CREBBP: variants seen among roughly 807,000 people sequenced by gnomAD.
CREBBP encodes the protein CREB binding lysine acetyltransferase, also known as CREB-binding protein.
CREBBP carries 19 observed loss-of-function variants against 265.0 expected under a neutral mutation model. The observed-to-expected ratio is 0.07, with a 90% CI of 0.05 to 0.11. CREBBP has a LOEUF of 0.11. Ranked by LOEUF, CREBBP falls within the 10% of genes least tolerant of loss-of-function variation. The pLI is 1.00. For synonymous variants in CREBBP, 1,457 were observed against 1,223.7 expected (o/e 1.19, Z -3.98); for missense variants, 2,525 against 3,219.0 (o/e 0.78, Z 5.22).
chr16:3,845,132 C>T (rs1309325548), intron 2 of CREBBP, among the ~76,000 whole-genome samples: 2 of 152,154 alleles, frequency 1.3e-5, no homozygotes, highest in African/African-American at 4.8e-5. Flanking sequence ...TCAACCCTGG[C>T]TGCCATGAAA....
chr16:3,778,651 G>T, intron 9 of CREBBP, 49 bp downstream of exon 9: 1 of 1,371,536 alleles, frequency 7.3e-7, no homozygotes, highest in Non-Finnish European at 1.0e-6. Flanking sequence ...ATGTAGTGCT[G>T]TCTACTACAG....
At chr16:3,820,949 T>C (rs1296721) in intron 2 of CREBBP, among the ~76,000 whole-genome samples, 140,407 of 152,250 alleles carry the variant, frequency 0.92, 65,534 homozygotes, top group Non-Finnish European at 0.99. Context: ...GGCACCCTAA[T>C]ACTATTGGTA....
At chr16:3,863,641 T>C (rs968598075) in intron 1 of CREBBP, among the ~76,000 whole-genome samples, 2 of 152,132 alleles carry the variant, frequency 1.3e-5, no homozygotes, top group African/African-American at 2.4e-5. Flanking sequence ...ACAGTCCTTA[T>C]TCAAAGTTCT....
At chr16:3,734,957 T>C (rs973381492) in intron 28 of CREBBP, among the ~76,000 whole-genome samples, 1 of 152,092 alleles carries the variant, frequency 6.6e-6, no homozygotes, top group Non-Finnish European at 1.5e-5. Flanking sequence ...CATTCACCGC[T>C]TTTCCTCACT....
intron 2 of CREBBP, among the ~76,000 whole-genome samples, chr16:3,826,708 G>A (rs569037332): frequency 6.6e-6 from 1 of 152,256 alleles, no homozygotes; most frequent in South Asian, 2.1e-4. Context: ...CCAAGGAAAG[G>A]CTGAGAAAAC....
Position 3,793,528 on chromosome 16 carries a change from C to G in CREBBP, c.1074G>C (p.Leu358=), listed in dbSNP as rs1445906928. The part of the protein sequence containing the change: ...PEKRKLIQQQ[L]VLLLHAHKCQ... ...ACTTATGAGCATGAAGCAGTAGAAC[C>G]AGCTGCTGCTGTATCAGTTTGCGTT... Residue 358 remains leucine, a synonymous_variant, in exon 4 of 31, where the codon CTG becomes CTC. Transcript: ENST00000262367. 1 of 1,614,152 alleles carries G rather than the reference C, an allele frequency of 6.2e-7. No individual in the cohort carries two copies. Among genetic ancestry groups the G allele is most frequent in the East Asian group, 2.2e-5 (1 of 44,878 alleles).
chr16:3,765,385 T>G (rs1221456860), intron 16 of CREBBP, among the ~76,000 whole-genome samples: 1 of 152,226 alleles, frequency 6.6e-6, no homozygotes, highest in Admixed American at 6.5e-5. Flanking sequence ...GAGGCAGTAC[T>G]TGGGCAAGTG....
intron 14 of CREBBP, 146 bp from the exon 15 acceptor site, chr16:3,769,499 G>A: frequency 7.2e-6 from 7 of 974,218 alleles, no homozygotes; most frequent in Non-Finnish European, 1.1e-5. Flanking sequence ...GAAGAACAGG[G>A]GTTAAAGTAG....
intron 1 of CREBBP, among the ~76,000 whole-genome samples, chr16:3,855,853 A>T (rs1423706836): frequency 6.6e-6 from 1 of 152,228 alleles, no homozygotes; most frequent in Admixed American, 6.5e-5. Context: ...ATATGTATTA[A>T]AAAGTCCTCT....
At chr16:3,784,388 A>T (rs1268106292) in intron 5 of CREBBP, 1 of 152,234 alleles carries the variant, frequency 6.6e-6, no homozygotes, top group Non-Finnish European at 1.5e-5. Flanking sequence ...CATAAATGAA[A>T]AGCAACTCCC....
chr16:3,733,030 G>GAA (rs989419093), intron 28 of CREBBP, among the ~76,000 whole-genome samples: 9 of 151,996 alleles, frequency 5.9e-5, no homozygotes, highest in Non-Finnish European at 8.8e-5. Flanking sequence ...AGATGAGAGA[G>GAA]ACTCTTGGTG....
Position 3,736,809 on chromosome 16 carries a change from C to G in CREBBP, c.4401G>C (p.Val1467=), listed in dbSNP as rs2052073296. The change falls in exon 27 of 31, where the codon GTG becomes GTC. Residue 1467 remains valine, a synonymous_variant. Transcript: ENST00000262367. ...YLEYVKKLGY[V]TGHIWACPPS... ...GAGGACAGGCCCAGATGTGCCCTGT[C>G]ACATACCTGCAGGACCCACGCACAC... is the stretch of plus-strand genomic sequence containing the variant. 2 of 1,614,134 alleles carry G rather than the reference C, an allele frequency of 1.2e-6. No homozygotes were observed. Among genetic ancestry groups the G allele is most frequent in the Non-Finnish European group, 1.7e-6 (2 of 1,180,030 alleles).
chr16:3,880,008 G>A lies in CREBBP; in HGVS notation c.-92C>T. 8.5e-7 allele frequency: 1 copy of A among 1,178,036 alleles called. No individual in the cohort carries two copies. Among genetic ancestry groups the A allele is most frequent in the African/African-American group, 1.6e-5 (1 of 60,652 alleles). 73.0% of individuals were successfully genotyped at this position (1,178,036 alleles called of 1,614,324 possible). A position where few individuals can be genotyped will look rare whatever the true frequency, so the allele number is the denominator to read the frequency against. ...CGGGGGCCCTGCCGGCTGCGAGGGA[G>A]AGGAGCGAGCGCGGGCCGCGAGCGG... On this transcript the variant is annotated 5_prime_UTR_variant, in exon 1 of 31. Coordinates refer to ENST00000262367, the MANE Select transcript of CREBBP (RefSeq NM_004380.3).
At chr16:3,850,236 T>C in intron 2 of CREBBP, 61 bp downstream of exon 2, 2 of 1,572,224 alleles carry the variant, frequency 1.3e-6, no homozygotes, top group South Asian at 1.1e-5. Context: ...ATTTTACGCA[T>C]TACTCGGAGG....
At chr16:3,857,545 G>C (rs2054988562) in intron 1 of CREBBP, among the ~76,000 whole-genome samples, 1 of 152,176 alleles carries the variant, frequency 6.6e-6, no homozygotes, top group South Asian at 2.1e-4. Context: ...ACACACCAAA[G>C]TGTCCCAACA....
chr16:3,849,419 GTGTGTGTGTGTGTGTGT>G (rs2054743168), intron 2 of CREBBP, among the ~76,000 whole-genome samples: 14 of 7,742 alleles, frequency 1.8e-3, no homozygotes, highest in Admixed American at 2.3e-3. Flanking sequence ...GTGTGTGTGT[GTGTGTGTGTGTGTGTGT>G]GTGTGTGTGT....
chr16:3,801,201 G>C (rs1249907373), intron 3 of CREBBP, among the ~76,000 whole-genome samples: 1 of 152,180 alleles, frequency 6.6e-6, no homozygotes, highest in Admixed American at 6.5e-5. Flanking sequence ...CTCCTCCACA[G>C]AGGGCTGACC....
At chr16:3,854,500 C>T (rs1466068176) in intron 1 of CREBBP, among the ~76,000 whole-genome samples, 7 of 152,220 alleles carry the variant, frequency 4.6e-5, no homozygotes, top group Admixed American at 4.6e-4. Context: ...CACTTACTAT[C>T]ACTTAAGCCA....
intron 5 of CREBBP, among the ~76,000 whole-genome samples, chr16:3,787,683 G>A (rs550263288): frequency 2.0e-5 from 3 of 151,798 alleles, no homozygotes; most frequent in South Asian, 2.1e-4. Context: ...TGTTTGAGAC[G>A]TAGTCTTGCT....
Sources: allele counts gnomAD v4.1 joint callset (sites outside exome capture counted in the v4.1 genomes callset), GRCh38; gene constraint gnomAD v4.1.1; transcripts MANE v1.5; gene names NCBI Gene and HGNC (gene_info 2026-07-23, HGNC 2026-07-21).